Variants in CSN1S1 observed in about 807,000 individuals in gnomAD.
CSN1S1 encodes casein alpha s1, also known as alpha-S1-casein.
Under a neutral mutation model 49.1 loss-of-function variants are expected in CSN1S1, and 63 were observed. That is an observed-to-expected ratio of 1.28 (90% CI 1.05 to 1.58). CSN1S1 has a LOEUF of 1.58. CSN1S1 is among the 40% of genes most tolerant of loss of function. CSN1S1 has a pLI of 0.00. For missense variants in CSN1S1, 260 were observed against 224.7 expected, an observed-to-expected ratio of 1.16 and a Z score of -1.01; for synonymous variants, 78 against 67.1, an observed-to-expected ratio of 1.16 and a Z score of -0.79.
Position 69,945,356 on chromosome 4 carries a change from G to A in CSN1S1, c.557+352G>A, listed in dbSNP as rs188417271. Among the ~76,000 whole-genome samples the A allele has an allele frequency of 1.8e-3, 268 of 151,964 alleles. 2 individuals carry two copies. The highest frequency in any genetic ancestry group is 3.3e-3 in the Non-Finnish European group (227 of 67,926). Reference sequence around the variant, plus strand: ...CTAATCTTTAAATGACTTCCTTCTGGTTATACCTATGATAAGTATAAAAAC... The same window carrying A: ...CTAATCTTTAAATGACTTCCTTCTGATTATACCTATGATAAGTATAAAAAC... On this transcript the variant is annotated intron_variant, in intron 15 of 15. Transcript: ENST00000246891.
At chr4:69,934,664 C>G (rs1235412803) in intron 3 of CSN1S1, 26 bp from the exon 4 acceptor site, 3 of 1,594,116 alleles carry the variant, frequency 1.9e-6, no homozygotes, top group Non-Finnish European at 2.6e-6. Flanking sequence ...GGAATAATAC[C>G]ATTTAAAAAT....
Sources: allele counts gnomAD v4.1 joint callset (sites outside exome capture counted in the v4.1 genomes callset), GRCh38; gene constraint gnomAD v4.1.1; transcripts MANE v1.5; gene names NCBI Gene and HGNC (gene_info 2026-07-23, HGNC 2026-07-21).